Variants in CREBBP observed in about 807,000 individuals in gnomAD.
CREBBP encodes the protein CREB-binding protein.
In CREBBP, 19 loss-of-function variants were observed where a neutral mutation model predicts 265.0. That is an observed-to-expected ratio of 0.07 (90% CI 0.05 to 0.11). The LOEUF is 0.11. CREBBP is among the 10% of genes least tolerant of loss of function. The pLI is 1.00. For missense variants in CREBBP, 2,525 were observed against 3,219.0 expected, an observed-to-expected ratio of 0.78 and a Z score of 5.22; for synonymous variants, 1,457 against 1,223.7, an observed-to-expected ratio of 1.19 and a Z score of -3.98.
In CREBBP at chr16:3,751,761, A is replaced by G. The variant is rs2052479867; in HGVS notation, c.3744T>C (p.Asn1248=). 6.2e-7 allele frequency: 1 copy of G among 1,614,034 alleles called. No homozygotes were observed. Among genetic ancestry groups the G allele is most frequent in the Non-Finnish European group, 8.5e-7 (1 of 1,180,034 alleles). The part of the protein sequence containing the change: ...EKCFTEIQGE[N]VTLGDDPSQP... ...GTGAAGGGTCGTCACCCAGGGTCAC[A>G]TTCTCGCCCTGGATCTCTGTGAAAC... Residue 1248 remains asparagine (N), a synonymous_variant, in exon 20 of 31, where the codon AAT becomes AAC. Coordinates refer to ENST00000262367, the MANE Select transcript of CREBBP (RefSeq NM_004380.3).
chr16:3,841,823 A>G (rs1327907643), intron 2 of CREBBP, among the ~76,000 whole-genome samples: 1 of 152,166 alleles, frequency 6.6e-6, no homozygotes, highest in Admixed American at 6.5e-5. Flanking sequence ...GTCACCGGTG[A>G]GCTGGTTAGA....
In CREBBP at chr16:3,728,719, C is replaced by T. The variant is rs1433842236; in HGVS notation, c.6328G>A (p.Ala2110Thr). 6.2e-7 allele frequency: 1 copy of T among 1,613,962 alleles called. No homozygotes were observed. Among genetic ancestry groups the T allele is most frequent in the East Asian group, 2.2e-5 (1 of 44,868 alleles). ...TGGGGCTGCATGCCGGGCTGATTGG[C>T]CACGTACTTGGCTGTGCGCTGTTTG... ...FIKQRTAKYV[A>T]NQPGMQPQPG... Residue 2110 changes from alanine to threonine, a missense_variant, in exon 31 of 31, where the codon GCC becomes ACC. Around this residue, in one of 19 missense-constraint regions of CREBBP, gnomAD observed 473 missense variants for 459.3 expected, o/e 1.03. Transcript: ENST00000262367. This position sits in a 1 kb window ranked among gnomAD's most constrained non-coding sequence, Gnocchi z 8.7.
rs34060381 is a variant in CREBBP at position 3,772,328 on chromosome 16, AACACACACACACACAC to A, written c.2464-1358_2464-1343del. Among the ~76,000 whole-genome samples, 31 of 145,356 alleles carry A rather than the reference AACACACACACACACAC, an allele frequency of 2.1e-4. No individual in the cohort carries two copies. The South Asian group carries it at 4.3e-3, about 20-fold the overall frequency. On this transcript the variant is annotated intron_variant, in intron 13 of 30. Transcript: ENST00000262367. The stretch of plus-strand genomic sequence containing the variant: ...AAAAAAAAATTCTCTCTGAAACACA[AACACACACACACACAC>A]ACACACACACACACACACACACGTT...
rs1021959332 is a variant in CREBBP, at chr16:3,803,260, CGGGGAGGGGGGGG to C, written c.975+7330_975+7342del. 3.3e-3 allele frequency among the ~76,000 whole-genome samples: 28 copies of C among 8,452 alleles called. 9 individuals are homozygous for C. Among genetic ancestry groups the C allele is most frequent in the Admixed American group, 0.018 (14 of 792 alleles). The allele number at this position is 8,452 out of a possible 152,430, so 5.5% of individuals were successfully genotyped here. A position where few individuals can be genotyped will look rare whatever the true frequency, so the allele number is the denominator to read the frequency against. On this transcript the variant is annotated intron_variant, in intron 3 of 30. Transcript: ENST00000262367. ...TCCCAGCACTTTGGGAGGCTGACGG[CGGGGAGGGGGGGG>C]GGGGGGGTGGATCACGAGGTCAGGA... is the stretch of plus-strand genomic sequence containing the variant.
chr16:3,830,159 G>T (rs1003425845), intron 2 of CREBBP, among the ~76,000 whole-genome samples: 1 of 152,188 alleles, frequency 6.6e-6, no homozygotes, highest in African/African-American at 2.4e-5. Context: ...CACTTTGGGA[G>T]GTCGAGGTGG....
In CREBBP at chr16:3,736,815, C is replaced by G. The variant is rs2151330209; in HGVS notation, c.4395G>C (p.Gly1465=). 1 of 1,613,352 alleles carries G rather than the reference C, an allele frequency of 6.2e-7. No homozygotes were observed. The highest frequency in any genetic ancestry group is 8.5e-7 in the Non-Finnish European group (1 of 1,179,636). The stretch of plus-strand genomic sequence containing the variant: ...AGGCCCAGATGTGCCCTGTCACATA[C>G]CTGCAGGACCCACGCACACACGTCA... ...IGYLEYVKKL[G]YVTGHIWACP... The change falls in exon 27 of 31, where the codon GGG becomes GGC. Residue 1465 remains glycine, a splice_region_variant and synonymous_variant. Coordinates refer to ENST00000262367, the MANE Select transcript of CREBBP (RefSeq NM_004380.3).
At chr16:3,868,381 T>G (rs1342389861) in intron 1 of CREBBP, among the ~76,000 whole-genome samples, 1 of 148,260 alleles carries the variant, frequency 6.7e-6, no homozygotes, top group African/African-American at 2.4e-5. Context: ...AAAACGGGGC[T>G]CAGGAGGGGA....
At chr16:3,839,507 CCT>C (rs1263126680) in intron 2 of CREBBP, among the ~76,000 whole-genome samples, 1 of 151,742 alleles carries the variant, frequency 6.6e-6, no homozygotes, top group Non-Finnish European at 1.5e-5. Context: ...ATGGTGAAAC[CCT>C]GTCTCTACTG....
intron 26 of CREBBP, 113 bp from the exon 27 acceptor site, chr16:3,736,928 G>T: frequency 7.6e-7 from 1 of 1,323,922 alleles, no homozygotes; most frequent in Non-Finnish European, 1.1e-6. Context: ...TAACCAGAGA[G>T]AGAGAATGAA....
At chr16:3,796,317 C>T (rs1317652235) in intron 3 of CREBBP, among the ~76,000 whole-genome samples, 3 of 151,872 alleles carry the variant, frequency 2.0e-5, no homozygotes, top group East Asian at 1.9e-4. Flanking sequence ...CTGGGCTCAA[C>T]TGATCTTCCC....
intron 2 of CREBBP, among the ~76,000 whole-genome samples, chr16:3,827,437 G>A (rs930421805): frequency 4.6e-5 from 7 of 152,010 alleles, no homozygotes; most frequent in Admixed American, 3.9e-4. Flanking sequence ...TGTTGCCCAG[G>A]CTGGAGTGCA....
rs1322678057 is a variant in CREBBP at position 3,850,662 on chromosome 16, G to C, written c.433C>G (p.Pro145Ala). The part of the protein sequence containing the change: ...KQAASTSGPT[P>A]AASQALNPQA... ...GGATTCAGTGCTTGGGAGGCAGCGG[G>C]GGTGGGCCCAGAGGTGCTGGCTGCC... Residue 145 changes from proline (P) to alanine (A), a missense_variant, in exon 2 of 31, where the codon CCC becomes GCC. Pro to Ala is a conservative substitution (Grantham distance 27). Transcript: ENST00000262367. 6.2e-7 allele frequency: 1 copy of C among 1,614,102 alleles called. No individual in the cohort carries two copies. Among genetic ancestry groups the C allele is most frequent in the African/African-American group, 1.3e-5 (1 of 74,950 alleles).
intron 1 of CREBBP, among the ~76,000 whole-genome samples, chr16:3,859,382 C>T (rs1415191471): frequency 6.6e-6 from 1 of 151,990 alleles, no homozygotes; most frequent in Non-Finnish European, 1.5e-5. Flanking sequence ...TCAGCAGAGA[C>T]GGGGTTTCAC....
chr16:3,786,026 G>A (rs1016640733), intron 5 of CREBBP, among the ~76,000 whole-genome samples: 13 of 152,224 alleles, frequency 8.5e-5, no homozygotes, highest in African/African-American at 2.9e-4. Flanking sequence ...GGACTCACCT[G>A]CCACTCTTCA....
At chr16:3,803,881 G>C (rs2053775838) in intron 3 of CREBBP, among the ~76,000 whole-genome samples, 1 of 152,008 alleles carries the variant, frequency 6.6e-6, no homozygotes, top group Non-Finnish European at 1.5e-5. Flanking sequence ...AGGAGTTTGA[G>C]ACCAGCCTCA....
rs2141237122 is a variant in CREBBP, at chr16:3,778,715, C to G, written c.1926G>C (p.Glu642Asp). Residue 642 changes from glutamate to aspartate, a missense_variant, in exon 9 of 31, where the codon GAG (glutamate) becomes GAC (aspartate). By Grantham distance (45) the Glu-to-Asp change is conservative. Transcript: ENST00000262367. Reference protein sequence around the residue: ...YAKKVEGDMYESANSRDEYYH... With the variant: ...YAKKVEGDMYDSANSRDEYYH... ...AGCAACCTACCCTGCTGTTGGCAGA[C>G]TCGTACATGTCCCCTTCCACTTTCT... 1 of 1,613,836 alleles carries G rather than the reference C, an allele frequency of 6.2e-7. No individual in the cohort carries two copies. Among genetic ancestry groups the G allele is most frequent in the Non-Finnish European group, 8.5e-7 (1 of 1,179,764 alleles).
At chr16:3,803,052 A>G (rs1934677808) in intron 3 of CREBBP, among the ~76,000 whole-genome samples, 1 of 152,132 alleles carries the variant, frequency 6.6e-6, no homozygotes, top group African/African-American at 2.4e-5. Flanking sequence ...ACCTGGGAAG[A>G]AGCGATAATC....
At chr16:3,861,707 C>T (rs1430380307) in intron 1 of CREBBP, among the ~76,000 whole-genome samples, 2 of 146,468 alleles carry the variant, frequency 1.4e-5, no homozygotes, top group African/African-American at 5.0e-5. Flanking sequence ...TTTATGCCAT[C>T]GTAAGTAATT....
intron 1 of CREBBP, among the ~76,000 whole-genome samples, chr16:3,876,865 C>G (rs1039552736): frequency 6.6e-6 from 1 of 152,212 alleles, no homozygotes; most frequent in East Asian, 1.9e-4. Flanking sequence ...ACATTCATCA[C>G]TCTGAGGTGC....
Sources: gnomAD v4.1 joint callset for allele counts (sites outside exome capture counted in the v4.1 genomes callset) on GRCh38, gnomAD v4.1.1 for gene constraint, gnomAD v4.1.1 regional missense constraint, Gnocchi (gnomAD v3.1) non-coding constraint, MANE v1.5 for transcripts, NCBI Gene and HGNC (gene_info 2026-07-23, HGNC 2026-07-21) for gene names.